AP3B1: variants seen among roughly 807,000 people sequenced by gnomAD.
AP3B1 encodes the protein adaptor related protein complex 3 subunit beta 1.
AP3B1 carries 61 observed loss-of-function variants against 132.5 expected under a neutral mutation model. The observed-to-expected ratio is 0.46, with a 90% CI of 0.37 to 0.57. AP3B1 has a LOEUF of 0.57. Ranked by LOEUF, AP3B1 falls within the 20% of genes least tolerant of loss-of-function variation. The pLI, the probability that AP3B1 is intolerant of heterozygous loss-of-function variation, is 0.00. For missense variants in AP3B1, 1,120 were observed against 1,289.4 expected, an observed-to-expected ratio of 0.87 and a Z score of 2.01; for synonymous variants, 388 against 438.3, an observed-to-expected ratio of 0.89 and a Z score of 1.43.
At chr5:78,054,208 G>A (rs1262109778) in intron 22 of AP3B1, among the ~76,000 whole-genome samples, 1 of 152,176 alleles carries the variant, frequency 6.6e-6, no homozygotes, top group Non-Finnish European at 1.5e-5. Context: ...TGGAGGTGAA[G>A]TTATTAGAAT....
At chr5:78,264,039 T>G (rs1041716727) in intron 2 of AP3B1, among the ~76,000 whole-genome samples, 3 of 152,134 alleles carry the variant, frequency 2.0e-5, no homozygotes, top group Non-Finnish European at 4.4e-5. Flanking sequence ...ATAGCCTAAG[T>G]GTGTAGTAAG....
chr5:78,097,028 C>G (rs1227403300), intron 21 of AP3B1, among the ~76,000 whole-genome samples: 1 of 123,284 alleles, frequency 8.1e-6, no homozygotes, highest in Non-Finnish European at 1.7e-5. Flanking sequence ...GTCAGCCCCC[C>G]GCCCGGCCAG....
At chr5:78,275,828 T>C (rs1326515811) in intron 1 of AP3B1, among the ~76,000 whole-genome samples, 1 of 151,936 alleles carries the variant, frequency 6.6e-6, no homozygotes, top group African/African-American at 2.4e-5. Flanking sequence ...AAACGAAAAA[T>C]TCAATAAAGG....
chr5:78,238,260 G>T (rs1746966678), intron 3 of AP3B1, among the ~76,000 whole-genome samples: 2 of 152,198 alleles, frequency 1.3e-5, no homozygotes, highest in Non-Finnish European at 2.9e-5. Context: ...CTGATGATCT[G>T]TCACTGTCTC....
At chr5:78,245,813 C>A (rs896977296) in intron 2 of AP3B1, among the ~76,000 whole-genome samples, 1 of 152,144 alleles carries the variant, frequency 6.6e-6, no homozygotes, top group African/African-American at 2.4e-5. Context: ...AAGTAAGGTT[C>A]ATAGGTGGAA....
At chr5:78,179,780 G>C (rs1490090717) in intron 8 of AP3B1, among the ~76,000 whole-genome samples, 2 of 151,720 alleles carry the variant, frequency 1.3e-5, no homozygotes, top group Non-Finnish European at 2.9e-5. Context: ...TTAAGTACGA[G>C]GTTAAAAAAA....
At chr5:78,006,385 T>C (rs1746397049) in intron 26 of AP3B1, among the ~76,000 whole-genome samples, 2 of 152,236 alleles carry the variant, frequency 1.3e-5, no homozygotes. Context: ...ACATAATCTA[T>C]TATTGTTCCA....
At chr5:78,229,896 A>G (rs1217254824) in intron 3 of AP3B1, among the ~76,000 whole-genome samples, 3 of 152,206 alleles carry the variant, frequency 2.0e-5, no homozygotes, top group Non-Finnish European at 4.4e-5. Flanking sequence ...AATCTGGACT[A>G]CTTTAGAGAC....
At position 78,175,637 on chromosome 5, in the gene AP3B1, T is replaced by C. The variant is rs767726030; in HGVS notation, c.1156A>G (p.Lys386Glu). 6.2e-7 allele frequency: 1 copy of C among 1,613,052 alleles called. No homozygotes were observed. Among genetic ancestry groups the C allele is most frequent in the Non-Finnish European group, 8.5e-7 (1 of 1,179,240 alleles). Residue 386 changes from lysine to glutamate, a missense_variant, in exon 11 of 27, where the codon AAG becomes GAG. By Grantham distance (56) the Lys-to-Glu change is moderately conservative. Coordinates refer to ENST00000255194, the MANE Select transcript of AP3B1 (RefSeq NM_003664.5). The stretch of plus-strand genomic sequence containing the variant: ...GAAAGCATACATACCTTCAGTGTCT[T>C]GATCATAGTTGGATCAGTTGACCTA... Reference protein sequence around the residue: ...YVRSTDPTMIKTLKLEILTNL... With the variant: ...YVRSTDPTMIETLKLEILTNL...
In AP3B1 at chr5:78,294,524, T is replaced by G; in HGVS notation, c.56A>C (p.Glu19Ala). Residue 19 changes from glutamate (E) to alanine (A), a missense_variant, in exon 1 of 27, where the codon GAG becomes GCG. Around this residue, in one of 3 missense-constraint regions of AP3B1, gnomAD observed 85 missense variants for 79.9 expected, o/e 1.06. Transcript: ENST00000255194. The part of the protein sequence containing the change: ...NEQSGGGEAT[E>A]LGQEATSTIS... ...GGTTGAGGTCGCCTCCTGACCCAGC[T>G]CCGTCGCCTCCCCTCCTCCGGACTG... The G allele has an allele frequency of 6.2e-7, 1 of 1,614,212 alleles. No individual in the cohort carries two copies. The highest frequency in any genetic ancestry group is 8.5e-7 in the Non-Finnish European group (1 of 1,180,042).
intron 22 of AP3B1, among the ~76,000 whole-genome samples, chr5:78,048,056 T>C (rs1030764762): frequency 2.6e-5 from 4 of 152,248 alleles, no homozygotes; most frequent in Non-Finnish European, 2.9e-5. Context: ...GGGAAACTTT[T>C]TGGAATCTGC....
chr5:78,257,345 C>T (rs1283364691), intron 2 of AP3B1, among the ~76,000 whole-genome samples: 2 of 152,086 alleles, frequency 1.3e-5, no homozygotes, highest in Admixed American at 6.5e-5. Context: ...AATCAACATA[C>T]CAAAATCAGG....
At chr5:78,117,023 C>T (rs1436828738) in intron 17 of AP3B1, among the ~76,000 whole-genome samples, 4 of 152,032 alleles carry the variant, frequency 2.6e-5, no homozygotes, top group Admixed American at 6.6e-5. Flanking sequence ...CAACTGTCCC[C>T]GTCGCCTGCC....
chr5:78,076,613 T>C (rs1749777515), intron 22 of AP3B1, among the ~76,000 whole-genome samples: 1 of 152,146 alleles, frequency 6.6e-6, no homozygotes, highest in African/African-American at 2.4e-5. Flanking sequence ...ACCATGTGAT[T>C]AGAGGGTTGG....
intron 1 of AP3B1, among the ~76,000 whole-genome samples, chr5:78,282,822 G>A (rs1749114672): frequency 6.9e-6 from 1 of 145,662 alleles, no homozygotes; most frequent in Admixed American, 6.9e-5. Flanking sequence ...GACCAGCGTG[G>A]ACAACATAGT....
chr5:78,193,383 C>T lies in AP3B1; in HGVS notation c.787-11721G>A, dbSNP rs116093806. Among the ~76,000 whole-genome samples the T allele has an allele frequency of 8.9e-3, 1,354 of 151,936 alleles. 14 individuals carry two copies. The highest frequency in any genetic ancestry group is 0.014 in the Middle Eastern group (4 of 278). On this transcript the variant is annotated intron_variant, in intron 7 of 26. Coordinates refer to ENST00000255194, the MANE Select transcript of AP3B1 (RefSeq NM_003664.5). ...ATTTTACTTTCTCCTTGTCCAGAAA[C>T]AGAATAGTTAAATAAGACAAACAAG... is the stretch of plus-strand genomic sequence containing the variant.
At chr5:78,127,714 T>C (rs1752518941) in intron 17 of AP3B1, among the ~76,000 whole-genome samples, 1 of 152,130 alleles carries the variant, frequency 6.6e-6, no homozygotes, top group African/African-American at 2.4e-5. Flanking sequence ...TAGAAAAAAC[T>C]TCATCCAATG....
At chr5:78,015,777 T>G in intron 25 of AP3B1, 1 of 486,192 alleles carries the variant, frequency 2.1e-6, no homozygotes, top group Non-Finnish European at 3.7e-6. Context: ...AAAAATCACT[T>G]AAATCTAATT....
At chr5:78,086,579 T>C (rs1750264599) in intron 22 of AP3B1, among the ~76,000 whole-genome samples, 1 of 152,110 alleles carries the variant, frequency 6.6e-6, no homozygotes, top group Non-Finnish European at 1.5e-5. Flanking sequence ...GCTTTGACGT[T>C]TACAACTAGA....
Sources: gnomAD v4.1 joint callset for allele counts (sites outside exome capture counted in the v4.1 genomes callset) on GRCh38, gnomAD v4.1.1 for gene constraint, gnomAD v4.1.1 regional missense constraint, MANE v1.5 for transcripts, NCBI Gene and HGNC (gene_info 2026-07-23, HGNC 2026-07-21) for gene names.